Variants in NBEA observed in about 807,000 individuals in gnomAD.
NBEA encodes neurobeachin.
Under a neutral mutation model 343.4 loss-of-function variants are expected in NBEA, and 44 were observed. The ratio of observed to expected loss-of-function variants is 0.13; its 90% CI spans 0.10 to 0.16. The LOEUF (loss-of-function observed/expected upper bound fraction) is 0.16, where lower values mean the gene tolerates loss of function less well. Ranked by LOEUF, NBEA falls within the 10% of genes least tolerant of loss-of-function variation. The pLI is 1.00. For synonymous variants in NBEA, 1,175 were observed against 1,238.7 expected, an observed-to-expected ratio of 0.95 and a Z score of 1.08; for missense variants, 2,555 against 3,631.3, an observed-to-expected ratio of 0.70 and a Z score of 7.62.
intron 17 of NBEA, among the ~76,000 whole-genome samples, chr13:35,136,731 G>A (rs771095680): frequency 7.2e-5 from 11 of 152,164 alleles, no homozygotes; most frequent in African/African-American, 1.2e-4. Flanking sequence ...GGTGTGACCC[G>A]AGAATATTAT....
chr13:34,950,510 TTTAAA>T (rs1285778010), intron 1 of NBEA, among the ~76,000 whole-genome samples: 3 of 151,450 alleles, frequency 2.0e-5, no homozygotes, highest in South Asian at 2.1e-4. Context: ...AATACTAATG[TTTAAA>T]TTAAATATTC....
rs1261559792 is a variant in NBEA at position 35,407,533 on chromosome 13, G to A, written c.6180-24736G>A. Among the ~76,000 whole-genome samples, 660 of 141,346 alleles carry A rather than the reference G, an allele frequency of 4.7e-3. 2 individuals carry two copies. The highest frequency in any genetic ancestry group is 0.017 in the African/African-American group (634 of 37,900). The allele number at this position is 141,346 out of a possible 152,430, so 92.7% of individuals were successfully genotyped here. ...GCATCATTTCAAAAAAAAAAAAAAA[G>A]GCTGTAAGCCTCTGATAAGATTATT... On this transcript the variant is annotated intron_variant, in intron 38 of 58. Transcript: ENST00000379939.
chr13:34,977,518 A>G (rs1278537362), intron 1 of NBEA, among the ~76,000 whole-genome samples: 1 of 152,078 alleles, frequency 6.6e-6, no homozygotes, highest in African/African-American at 2.4e-5. Context: ...CATGTTGGCC[A>G]GGCTGATCTC....
intron 34 of NBEA, among the ~76,000 whole-genome samples, chr13:35,266,247 A>G (rs1006013781): frequency 6.6e-6 from 1 of 151,962 alleles, no homozygotes; most frequent in Non-Finnish European, 1.5e-5. Flanking sequence ...GGGAATGTGA[A>G]TTAGGATAGC....
At chr13:35,000,844 A>T (rs973642481) in intron 1 of NBEA, among the ~76,000 whole-genome samples, 2 of 152,108 alleles carry the variant, frequency 1.3e-5, no homozygotes, top group Non-Finnish European at 2.9e-5. Context: ...TATCAATAGC[A>T]ATTAAATTTG....
intron 11 of NBEA, among the ~76,000 whole-genome samples, chr13:35,102,151 G>T (rs1246807817): frequency 6.6e-6 from 1 of 151,596 alleles, no homozygotes; most frequent in Non-Finnish European, 1.5e-5. Flanking sequence ...TAAGGGTCAA[G>T]GTTCTTTTTT....
intron 38 of NBEA, among the ~76,000 whole-genome samples, chr13:35,427,572 C>T (rs1379047182): frequency 2.6e-5 from 4 of 152,156 alleles, no homozygotes; most frequent in Non-Finnish European, 2.9e-5. Flanking sequence ...TTAGGCTACT[C>T]GGGGGTCAGG....
At chr13:35,415,180 G>A (rs1440168923) in intron 38 of NBEA, among the ~76,000 whole-genome samples, 1 of 152,132 alleles carries the variant, frequency 6.6e-6, no homozygotes, top group African/African-American at 2.4e-5. Context: ...CCATTCTGTA[G>A]GTTGCCTGTT....
intron 8 of NBEA, among the ~76,000 whole-genome samples, chr13:35,061,471 C>G (rs2063464756): frequency 6.6e-6 from 1 of 151,464 alleles, no homozygotes; most frequent in Admixed American, 6.6e-5. Context: ...TCAGGTGGCC[C>G]TTTGACATAA....
intron 1 of NBEA, among the ~76,000 whole-genome samples, chr13:34,999,250 A>G (rs576534989): frequency 2.4e-4 from 37 of 152,288 alleles, no homozygotes; most frequent in Non-Finnish European, 5.1e-4. Context: ...TGTGTGGAGT[A>G]CTTTAGATAT....
rs184794902 is a variant in NBEA at position 35,666,177 on chromosome 13, A to G, written c.8464+991A>G. Among the ~76,000 whole-genome samples, 696 of 152,038 alleles carry G rather than the reference A, an allele frequency of 4.6e-3. 3 individuals are homozygous for G. Among genetic ancestry groups the G allele is most frequent in the African/African-American group, 0.016 (667 of 41,466 alleles). On this transcript the variant is annotated intron_variant, in intron 56 of 58. Transcript: ENST00000379939. ...ATTTGCAATTTTTTTTTAAATGAGTATAGTAGGAAACTATTGAAGTTTTTT... is the reference window on the plus strand; with the variant it reads ...ATTTGCAATTTTTTTTTAAATGAGTGTAGTAGGAAACTATTGAAGTTTTTT...
At chr13:35,557,266 T>A (rs1057504357) in intron 44 of NBEA, among the ~76,000 whole-genome samples, 11 of 152,124 alleles carry the variant, frequency 7.2e-5, no homozygotes, top group Admixed American at 1.3e-4. Context: ...TCATGTAAGG[T>A]CAGTTTCCCA....
chr13:35,473,234 T>C (rs1480284098), intron 41 of NBEA, among the ~76,000 whole-genome samples: 1 of 152,174 alleles, frequency 6.6e-6, no homozygotes, highest in African/African-American at 2.4e-5. Context: ...TTTTCTGAGA[T>C]CTGTTCTAAT....
chr13:35,152,648 G>A (rs984108896), intron 18 of NBEA, among the ~76,000 whole-genome samples: 1 of 152,188 alleles, frequency 6.6e-6, no homozygotes, highest in Non-Finnish European at 1.5e-5. Flanking sequence ...AATGTGTAAT[G>A]CTGGGCTCAG....
chr13:35,666,418 A>G (rs1189308023), intron 56 of NBEA, among the ~76,000 whole-genome samples: 2 of 151,828 alleles, frequency 1.3e-5, no homozygotes, highest in African/African-American at 4.8e-5. Context: ...GTTAAAAAAA[A>G]AAAAAAAAAG....
intron 16 of NBEA, among the ~76,000 whole-genome samples, chr13:35,118,900 A>G (rs2066644548): frequency 6.6e-6 from 1 of 152,010 alleles, no homozygotes; most frequent in Admixed American, 6.6e-5. Flanking sequence ...AAATTAAAGA[A>G]TTTTGAGTAG....
chr13:35,301,627 T>C (rs547381939), intron 35 of NBEA, among the ~76,000 whole-genome samples: 2 of 152,324 alleles, frequency 1.3e-5, no homozygotes, highest in South Asian at 4.1e-4. Context: ...TTTGCTATTG[T>C]AAATAGTGCT....
intron 13 of NBEA, among the ~76,000 whole-genome samples, chr13:35,111,913 C>CTTTT (rs773135374): frequency 2.0e-4 from 25 of 122,750 alleles, no homozygotes; most frequent in African/African-American, 2.7e-4. Flanking sequence ...TAACACTTTC[C>CTTTT]TTTTTTTTTT....
intron 40 of NBEA, among the ~76,000 whole-genome samples, chr13:35,471,652 G>A (rs563051553): frequency 6.6e-6 from 1 of 152,312 alleles, no homozygotes; most frequent in African/African-American, 2.4e-5. Context: ...CACCCTGGCA[G>A]GCACTTCTAG....
Sources: allele counts gnomAD v4.1 joint callset (sites outside exome capture counted in the v4.1 genomes callset), GRCh38; gene constraint gnomAD v4.1.1; transcripts MANE v1.5; gene names NCBI Gene and HGNC (gene_info 2026-07-23, HGNC 2026-07-21).